CTDSPL2: variants seen among roughly 807,000 people sequenced by gnomAD.
CTDSPL2 encodes CTD small phosphatase like 2.
In CTDSPL2, 5 loss-of-function variants were observed where a neutral mutation model predicts 60.0. That is an observed-to-expected ratio of 0.08 (90% CI 0.04 to 0.18). CTDSPL2 has a LOEUF of 0.18. CTDSPL2 is among the 10% of genes least tolerant of loss of function. The pLI is 1.00. For missense variants in CTDSPL2, 370 were observed against 548.8 expected (o/e 0.67, Z 3.26); for synonymous variants, 186 against 189.3 (o/e 0.98, Z 0.14).
chr15:44,431,956 T>C (rs2079869315), intron 1 of CTDSPL2, among the ~76,000 whole-genome samples: 1 of 151,860 alleles, frequency 6.6e-6, no homozygotes, highest in African/African-American at 2.4e-5. Flanking sequence ...GCTCCTGACC[T>C]GAAGTGATCC....
intron 1 of CTDSPL2, among the ~76,000 whole-genome samples, chr15:44,454,520 G>A (rs917343758): frequency 3.3e-5 from 5 of 152,128 alleles, no homozygotes; most frequent in Admixed American, 6.6e-5. Flanking sequence ...GTCCTGAATG[G>A]TATTGCCTAG....
At chr15:44,484,430 C>T (rs746987207) in intron 3 of CTDSPL2, 68 bp downstream of exon 3, 3 of 1,462,498 alleles carry the variant, frequency 2.1e-6, no homozygotes, top group Non-Finnish European at 2.8e-6. Flanking sequence ...CATTTCTTAT[C>T]TATTTTTAAA....
At chr15:44,439,927 TCC>T (rs1169877083) in intron 1 of CTDSPL2, among the ~76,000 whole-genome samples, 1 of 152,200 alleles carries the variant, frequency 6.6e-6, no homozygotes, top group Non-Finnish European at 1.5e-5. Flanking sequence ...TGGGAAGTGT[TCC>T]CTTCTATTTT....
rs1169238881 is a variant in CTDSPL2 at position 44,485,005 on chromosome 15, T to A, written c.325+643T>A. On this transcript the variant is annotated intron_variant, in intron 3 of 12. Coordinates refer to ENST00000260327, the MANE Select transcript of CTDSPL2 (RefSeq NM_016396.3). Reference sequence around the variant, plus strand: ...ATATATACCAAATTTCTTCCTAGATTATTCTACTTAAGAGCTCAGAGGGGA... The same window carrying A: ...ATATATACCAAATTTCTTCCTAGATAATTCTACTTAAGAGCTCAGAGGGGA... Among the ~76,000 whole-genome samples the A allele has an allele frequency of 1.2e-4, 18 of 152,214 alleles. 1 individual carries two copies. Among genetic ancestry groups the A allele is most frequent in the Non-Finnish European group, 5.9e-5 (4 of 68,036 alleles).
At chr15:44,513,053 A>G (rs2081591763) in intron 8 of CTDSPL2, among the ~76,000 whole-genome samples, 1 of 149,382 alleles carries the variant, frequency 6.7e-6, no homozygotes, top group African/African-American at 2.5e-5. Context: ...GCCTGGGGGA[A>G]AGAGCAAGAC....
intron 5 of CTDSPL2, among the ~76,000 whole-genome samples, chr15:44,494,670 G>A (rs962531960): frequency 6.6e-6 from 1 of 151,782 alleles, no homozygotes; most frequent in Non-Finnish European, 1.5e-5. Context: ...TGCACTTTGC[G>A]AGGCCGGGTC....
chr15:44,478,204 T>C (rs1412121083), intron 2 of CTDSPL2, among the ~76,000 whole-genome samples: 1 of 151,956 alleles, frequency 6.6e-6, no homozygotes, highest in Non-Finnish European at 1.5e-5. Flanking sequence ...CCCAGCACTT[T>C]TGGGAGGCTG....
chr15:44,482,169 C>T (rs969020255), intron 2 of CTDSPL2, among the ~76,000 whole-genome samples: 2 of 152,150 alleles, frequency 1.3e-5, no homozygotes, highest in South Asian at 2.1e-4. Context: ...GTTTTAGAGA[C>T]AGGGTCTCAC....
chr15:44,476,439 T>A (rs950563908), intron 2 of CTDSPL2, among the ~76,000 whole-genome samples: 14 of 152,292 alleles, frequency 9.2e-5, no homozygotes, highest in Non-Finnish European at 1.8e-4. Context: ...GAAGTAAATG[T>A]ATTTTAAATG....
At chr15:44,441,799 C>G (rs2080092685) in intron 1 of CTDSPL2, among the ~76,000 whole-genome samples, 1 of 152,074 alleles carries the variant, frequency 6.6e-6, no homozygotes, top group Non-Finnish European at 1.5e-5. Context: ...TTTCTGTAGC[C>G]TAGGCAGAAC....
intron 8 of CTDSPL2, among the ~76,000 whole-genome samples, chr15:44,512,702 C>T (rs944802295): frequency 1.3e-5 from 2 of 152,090 alleles, no homozygotes; most frequent in Non-Finnish European, 2.9e-5. Context: ...TTTTTTAGAC[C>T]TCATCCTAAA....
intron 1 of CTDSPL2, 64 bp from the exon 2 acceptor site, chr15:44,458,927 G>T: frequency 2.7e-6 from 3 of 1,094,532 alleles, no homozygotes; most frequent in Non-Finnish European, 2.5e-6. Context: ...GGCACATTTG[G>T]GTAGAGAAGG....
chr15:44,506,282 G>A (rs1176848407), intron 8 of CTDSPL2, among the ~76,000 whole-genome samples: 1 of 151,294 alleles, frequency 6.6e-6, no homozygotes, highest in African/African-American at 2.4e-5. Context: ...TGCCCACCTC[G>A]GCCTCCCAAA....
In CTDSPL2 at chr15:44,527,903, G is replaced by A. The variant is rs1177285112; in HGVS notation, c.*3729G>A. ...TAGTGCTGATGTCATTACTTCTCAT[G>A]TCTTCCCCTGAGTTGAAAGCCTACG... is the stretch of plus-strand genomic sequence containing the variant. On this transcript the variant is annotated 3_prime_UTR_variant, in exon 13 of 13. Transcript: ENST00000260327. 2.0e-5 allele frequency: 3 copies of A among 152,126 alleles called. No homozygotes were observed. The highest frequency in any genetic ancestry group is 2.0e-4 in the Admixed American group (3 of 15,260). The allele number at this position is 152,126 out of a possible 1,614,324, so 9.4% of individuals were successfully genotyped here. A position where few individuals can be genotyped will look rare whatever the true frequency, so the allele number is the denominator to read the frequency against.
At position 44,514,827 on chromosome 15, in the gene CTDSPL2, TA is replaced by T; in HGVS notation, c.1100del (p.Lys367SerfsTer21). 6.3e-7 allele frequency: 1 copy of T among 1,590,240 alleles called. No homozygotes were observed. Among genetic ancestry groups the T allele is most frequent in the South Asian group, 1.1e-5 (1 of 88,828 alleles). ...ACAAGTTACTGAACATACTAGACCC[TA>T]AAAAGCAACTGGTCAGGTAAATTTA... The part of the protein sequence containing the change: ...ADKLLNILDP[K>X]KQLVRHRLFR... On this transcript the variant is annotated frameshift_variant, in exon 10 of 13. Transcript: ENST00000260327. LOFTEE classifies it high-confidence loss of function.
intron 4 of CTDSPL2, 69 bp downstream of exon 4, chr15:44,486,769 T>C (rs1381245466): frequency 3.2e-6 from 4 of 1,238,728 alleles, no homozygotes; most frequent in Non-Finnish European, 4.5e-6. Context: ...TTTTTTTTTT[T>C]TTTTTTTCTT....
intron 1 of CTDSPL2, chr15:44,448,541 C>T (rs900137319): frequency 7.0e-6 from 2 of 285,042 alleles, no homozygotes; most frequent in Non-Finnish European, 1.4e-5. Flanking sequence ...CTTCCCTATC[C>T]TAAGTGTATT....
intron 2 of CTDSPL2, among the ~76,000 whole-genome samples, chr15:44,479,814 C>G (rs1016993146): frequency 6.6e-6 from 1 of 152,036 alleles, no homozygotes; most frequent in Non-Finnish European, 1.5e-5. Context: ...TGTTCTGCTC[C>G]ACGTGTGTTT....
At chr15:44,524,025 T>C in intron 12 of CTDSPL2, 84 bp from the exon 13 acceptor site, 1 of 1,050,998 alleles carries the variant, frequency 9.5e-7, no homozygotes, top group Non-Finnish European at 1.5e-6. Flanking sequence ...TGGTATGTTT[T>C]CTCTGCAAGG....
Sources: allele counts gnomAD v4.1 joint callset (sites outside exome capture counted in the v4.1 genomes callset), GRCh38; gene constraint gnomAD v4.1.1; transcripts MANE v1.5; gene names NCBI Gene and HGNC (gene_info 2026-07-23, HGNC 2026-07-21).